C16orf96: variants seen among roughly 807,000 people sequenced by gnomAD.
The protein encoded by C16orf96 is uncharacterized protein C16orf96.
C16orf96 carries 108 observed loss-of-function variants against 103.6 expected under a neutral mutation model. That is an observed-to-expected ratio of 1.04 (90% CI 0.89 to 1.22). The LOEUF is 1.22. C16orf96 is among the 50% of genes most tolerant of loss of function. The pLI, the probability that C16orf96 is intolerant of heterozygous loss-of-function variation, is 0.00. For missense variants in C16orf96, 1,586 were observed against 1,464.2 expected, an observed-to-expected ratio of 1.08 and a Z score of -1.36; for synonymous variants, 566 against 593.5, an observed-to-expected ratio of 0.95 and a Z score of 0.67.
At position 4,568,499 on chromosome 16, in the gene C16orf96, C is replaced by T. The variant is rs62040330; in HGVS notation, c.421-3062C>T. ...ATAGTGACAGGGTCTCCCTTGGTTG[C>T]CCAGGCTGCTCTGGAACCCCTGGGC... On this transcript the variant is annotated intron_variant, in intron 1 of 15. Transcript: ENST00000444310. Among the ~76,000 whole-genome samples, 444 of 152,172 alleles carry T rather than the reference C, an allele frequency of 2.9e-3. 2 individuals carry two copies. The highest frequency in any genetic ancestry group is 5.4e-3 in the Non-Finnish European group (365 of 67,988).
upstream of C16orf96, among the ~76,000 whole-genome samples, chr16:4,554,879 T>G (rs894822880): frequency 6.6e-6 from 1 of 151,478 alleles, no homozygotes; most frequent in African/African-American, 2.4e-5. Context: ...TCTGCCCACC[T>G]CAGCCTCCCA....
chr16:4,562,321 T>A (rs1203549876), intron 1 of C16orf96, among the ~76,000 whole-genome samples: 1 of 151,932 alleles, frequency 6.6e-6, no homozygotes, highest in Admixed American at 6.6e-5. Context: ...CCAAAAAATT[T>A]TGAAATTGGC....
intron 15 of C16orf96, among the ~76,000 whole-genome samples, chr16:4,599,578 C>T (rs1897242896): frequency 6.6e-6 from 1 of 152,236 alleles, no homozygotes; most frequent in Non-Finnish European, 1.5e-5. Flanking sequence ...CCAGCGTCCA[C>T]CCAGCTGCAG....
At chr16:4,578,732 T>TG (rs2059544489) in intron 5 of C16orf96, among the ~76,000 whole-genome samples, 1 of 152,080 alleles carries the variant, frequency 6.6e-6, no homozygotes, top group African/African-American at 2.4e-5. Context: ...CACTCCAGCC[T>TG]GGTGACAGAG....
intron 7 of C16orf96, among the ~76,000 whole-genome samples, chr16:4,583,241 G>GA (rs1240510604): frequency 6.6e-6 from 1 of 150,466 alleles, no homozygotes; most frequent in East Asian, 2.0e-4. Context: ...TCCATCTTGG[G>GA]AAAAATCTCA....
Position 4,600,248 on chromosome 16 carries a change from G to C in C16orf96, c.3357G>C (p.Arg1119Ser). The change falls in exon 16 of 16, where the codon AGG becomes AGC. Residue 1119 changes from arginine (R) to serine (S), a missense_variant. Transcript: ENST00000444310. ...CCCAGCAGGCCCCAGGGTCCACCAG[G>C]CTCTCAAGAGCTCCACACATTGAGT... ...RDPQQAPGST[R>S]LSRAPHIESR... 1.3e-6 allele frequency: 2 copies of C among 1,551,430 alleles called. No individual in the cohort carries two copies. The highest frequency in any genetic ancestry group is 1.7e-6 in the Non-Finnish European group (2 of 1,146,924).
At chr16:4,558,978 G>C (rs1026465326) in intron 1 of C16orf96, among the ~76,000 whole-genome samples, 1 of 151,718 alleles carries the variant, frequency 6.6e-6, no homozygotes. Context: ...CCAGCTACTC[G>C]GGAGGCTGAG....
Position 4,580,041 on chromosome 16 carries a change from C to T in C16orf96, c.2268C>T (p.Gly756=). 1 of 1,551,216 alleles carries T rather than the reference C, an allele frequency of 6.4e-7. No individual in the cohort carries two copies. The highest frequency in any genetic ancestry group is 1.4e-5 in the African/African-American group (1 of 73,108). ...LKEEELERIW[G]NQIEMMKDRY... ...AGGAAGAACTTGAGAGAATTTGGGG[C>T]AACCAAATAGAGATGATGAAGGATC... Residue 756 remains glycine (G), a synonymous_variant, in exon 7 of 16, where the codon GGC becomes GGT. Coordinates refer to ENST00000444310, the MANE Select transcript of C16orf96 (RefSeq NM_001145011.2).
chr16:4,549,519 G>T, the C16orf96 span, among the ~76,000 whole-genome samples: 2 of 150,170 alleles, frequency 1.3e-5, no homozygotes, highest in African/African-American at 4.9e-5. Context: ...GCTGGGCACA[G>T]TGGCTCACAC....
At chr16:4,585,841 G>C (rs891922890) in intron 7 of C16orf96, among the ~76,000 whole-genome samples, 3 of 152,184 alleles carry the variant, frequency 2.0e-5, no homozygotes, top group Admixed American at 1.3e-4. Context: ...AGCAACTCAG[G>C]AGTGGAAAGC....
chr16:4,584,754 G>C (rs973860614), intron 7 of C16orf96, among the ~76,000 whole-genome samples: 1 of 152,012 alleles, frequency 6.6e-6, no homozygotes, highest in African/African-American at 2.4e-5. Context: ...GGCTGGTCTT[G>C]AACTCCTGAC....
intron 1 of C16orf96, among the ~76,000 whole-genome samples, chr16:4,561,858 C>G (rs1378655474): frequency 1.3e-5 from 2 of 152,122 alleles, no homozygotes; most frequent in East Asian, 3.8e-4. Context: ...TTTCGCGAGT[C>G]CCAGTCTGCC....
In C16orf96 at chr16:4,594,513, G is replaced by C; in HGVS notation, c.3027+3G>C. The C allele has an allele frequency of 6.5e-7, 1 of 1,550,170 alleles. No homozygotes were observed. The highest frequency in any genetic ancestry group is 2.4e-5 in the East Asian group (1 of 40,878). On this transcript the variant is annotated splice_donor_region_variant and intron_variant, in intron 13 of 15. Coordinates refer to ENST00000444310, the MANE Select transcript of C16orf96 (RefSeq NM_001145011.2). The stretch of plus-strand genomic sequence containing the variant: ...CCCACGTGATCGACTATGACAGCGT[G>C]AGTCTGGCCGGGGCCTCCTTCTCAG...
rs1396704626 is a variant in C16orf96, at chr16:4,594,409, T to C, written c.2926T>C (p.Trp976Arg). ...TATCCAGGAGGATTGTCAGCAGGAC[T>C]GGGGTGATGGCCCCCAAAACGCCAC... ...LGIQEDCQQD[W>R]GDGPQNATSL... Residue 976 changes from tryptophan to arginine, a missense_variant, in exon 13 of 16, where the codon TGG (tryptophan) becomes CGG (arginine). By Grantham distance (101) the Trp-to-Arg change is moderately radical (BLOSUM62 -3). Coordinates refer to ENST00000444310, the MANE Select transcript of C16orf96 (RefSeq NM_001145011.2). 3.2e-6 allele frequency: 5 copies of C among 1,551,270 alleles called. No individual in the cohort carries two copies. The highest frequency in any genetic ancestry group is 3.5e-6 in the Non-Finnish European group (4 of 1,147,002).
chr16:4,582,285 AAAAT>A lies in C16orf96; in HGVS notation c.2352+2199_2352+2202del, dbSNP rs140485410. On this transcript the variant is annotated intron_variant, in intron 7 of 15. Coordinates refer to ENST00000444310, the MANE Select transcript of C16orf96 (RefSeq NM_001145011.2). ...CGACAAGAGCAAGACTCAGTCTCAAAAAATAAATAAATAAATAAATAAATAAATA... is the reference window on the plus strand; with the variant it reads ...CGACAAGAGCAAGACTCAGTCTCAAAAAATAAATAAATAAATAAATAAATA... Among the ~76,000 whole-genome samples the A allele has an allele frequency of 8.5e-3, 1,276 of 149,320 alleles. 10 individuals carry two copies. The highest frequency in any genetic ancestry group is 0.019 in the South Asian group (90 of 4,658).
intron 7 of C16orf96, among the ~76,000 whole-genome samples, chr16:4,581,611 C>T (rs549199622): frequency 5.9e-5 from 9 of 151,290 alleles, no homozygotes; most frequent in African/African-American, 1.5e-4. Context: ...CCAGCCTGGG[C>T]GACAGAGCAA....
At chr16:4,558,853 T>A (rs924486235) in intron 1 of C16orf96, among the ~76,000 whole-genome samples, 1 of 147,568 alleles carries the variant, frequency 6.8e-6, no homozygotes, top group African/African-American at 2.5e-5. Context: ...AGGCGGAACT[T>A]GCAGTGAGCC....
At chr16:4,555,367 C>T (rs1360346214), upstream of C16orf96, among the ~76,000 whole-genome samples, 3 of 151,214 alleles carry the variant, frequency 2.0e-5, no homozygotes, top group Non-Finnish European at 2.9e-5. Context: ...GAATGTAGTT[C>T]TTCAGATTCT....
chr16:4,594,919 C>A, intron 14 of C16orf96, 116 bp downstream of exon 14: 1 of 1,128,930 alleles, frequency 8.9e-7, no homozygotes, highest in Non-Finnish European at 1.3e-6. Flanking sequence ...GGGGAGTCCT[C>A]ACACAGTCAG....
Sources: allele counts gnomAD v4.1 joint callset (sites outside exome capture counted in the v4.1 genomes callset), GRCh38; gene constraint gnomAD v4.1.1; transcripts MANE v1.5; gene names NCBI Gene and HGNC (gene_info 2026-07-23, HGNC 2026-07-21).